Variants in ATP9A observed in about 807,000 individuals in gnomAD.
ATP9A encodes probable phospholipid-transporting ATPase IIA.
Under a neutral mutation model 144.1 loss-of-function variants are expected in ATP9A, and 52 were observed. The ratio of observed to expected loss-of-function variants is 0.36; its 90% confidence interval spans 0.29 to 0.45. The LOEUF is 0.45. ATP9A is among the 20% of genes least tolerant of loss of function. The pLI, the probability that ATP9A is intolerant of heterozygous loss-of-function variation, is 1.00. For synonymous variants in ATP9A, 582 were observed against 557.4 expected (o/e 1.04, Z -0.62); for missense variants, 947 against 1,392.7 (o/e 0.68, Z 5.09).
intron 13 of ATP9A, among the ~76,000 whole-genome samples, chr20:51,665,141 C>T (rs993615517): frequency 2.0e-5 from 3 of 152,006 alleles, no homozygotes; most frequent in East Asian, 1.9e-4. Context: ...AACGGAAGAC[C>T]GGCCAGACAC....
chr20:51,611,638 C>T lies in ATP9A; in HGVS notation c.2572-1473G>A, dbSNP rs956728219. ...GCCTCATCCTGGAATTCTTTTTCTA[C>T]ATCAATGTTAACAGTAACATCCAGT... On this transcript the variant is annotated intron_variant, in intron 23 of 27. Coordinates refer to ENST00000338821, the MANE Select transcript of ATP9A (RefSeq NM_006045.3). The surrounding 1 kb of genome is among the most constrained non-coding windows in gnomAD (Gnocchi z 4.2). Among the ~76,000 whole-genome samples the T allele has an allele frequency of 2.0e-5, 3 of 152,194 alleles. No individual in the cohort carries two copies. The highest frequency in any genetic ancestry group is 1.3e-4 in the Admixed American group (2 of 15,274).
At chr20:51,712,273 A>G (rs553771532) in intron 4 of ATP9A, among the ~76,000 whole-genome samples, 1 of 152,106 alleles carries the variant, frequency 6.6e-6, no homozygotes, top group South Asian at 2.1e-4. Flanking sequence ...ACAGGGTTTC[A>G]CCATGTTAGC....
intron 14 of ATP9A, among the ~76,000 whole-genome samples, chr20:51,647,373 A>G (rs1406757671): frequency 6.6e-6 from 1 of 152,004 alleles, no homozygotes; most frequent in Non-Finnish European, 1.5e-5. Context: ...ACATGGTGAA[A>G]CCCTGTCTCT....
At chr20:51,607,315 C>T (rs1568782325) in intron 26 of ATP9A, among the ~76,000 whole-genome samples, 1 of 152,228 alleles carries the variant, frequency 6.6e-6, no homozygotes, top group Non-Finnish European at 1.5e-5. Flanking sequence ...CTTCCTCTGG[C>T]TTCACTACCT....
chr20:51,606,390 T>A (rs1176083872), intron 26 of ATP9A, among the ~76,000 whole-genome samples: 1 of 151,922 alleles, frequency 6.6e-6, no homozygotes, highest in Non-Finnish European at 1.5e-5. Flanking sequence ...TACATAAAAA[T>A]GGAAATACTA....
intron 3 of ATP9A, among the ~76,000 whole-genome samples, chr20:51,722,077 C>T (rs112883183): frequency 5.6e-4 from 85 of 151,928 alleles, no homozygotes; most frequent in African/African-American, 1.9e-3. Context: ...CAAACAAAAA[C>T]GTAAAGTGGG....
intron 18 of ATP9A, among the ~76,000 whole-genome samples, chr20:51,623,070 T>C (rs1390700021): frequency 6.6e-6 from 1 of 151,874 alleles, no homozygotes; most frequent in African/African-American, 2.4e-5. Context: ...AAGGGAGAGG[T>C]AGGATGGAAA....
intron 1 of ATP9A, among the ~76,000 whole-genome samples, chr20:51,758,580 C>A (rs1273799524): frequency 6.6e-6 from 1 of 152,208 alleles, no homozygotes; most frequent in African/African-American, 2.4e-5. Flanking sequence ...CATCTCCTTG[C>A]GGACTGGACT....
Position 51,690,839 on chromosome 20 carries a change from T to C in ATP9A, c.643-20A>G, listed in dbSNP as rs1333414380. The C allele has an allele frequency of 2.5e-6, 4 of 1,609,374 alleles. No homozygotes were observed. Among genetic ancestry groups the C allele is most frequent in the Non-Finnish European group, 3.4e-6 (4 of 1,175,830 alleles). On this transcript the variant is annotated intron_variant, in intron 7 of 27. Transcript: ENST00000338821. ...AAGGTCCTGTTCAACAGAAGGCACA[T>C]TCGGGAGTCAAAGTCAGTTCACAAT...
chr20:51,712,833 T>C, intron 4 of ATP9A, 133 bp downstream of exon 4: 2 of 769,258 alleles, frequency 2.6e-6, no homozygotes, highest in Non-Finnish European at 4.4e-6. Context: ...TCCCTGGTGC[T>C]GGAGTAACCA....
intron 11 of ATP9A, 70 bp from the exon 12 acceptor site, chr20:51,671,327 T>TG (rs778799472): frequency 1.4e-4 from 222 of 1,554,646 alleles, no homozygotes; most frequent in Non-Finnish European, 1.8e-4. Flanking sequence ...TATAAAAACA[T>TG]GGACTCTAAA....
At chr20:51,690,337 G>A (rs1243739232) in intron 8 of ATP9A, among the ~76,000 whole-genome samples, 6 of 151,324 alleles carry the variant, frequency 4.0e-5, no homozygotes, top group Admixed American at 2.6e-4. Flanking sequence ...GGAGAATGGC[G>A]TGAACCCGGG....
chr20:51,621,820 G>A (rs1442668041), intron 19 of ATP9A, among the ~76,000 whole-genome samples: 2 of 152,070 alleles, frequency 1.3e-5, no homozygotes, highest in African/African-American at 4.8e-5. Context: ...AAGGGACCAC[G>A]ACCCCCAAAA....
At chr20:51,692,934 G>C (rs1188880076) in intron 7 of ATP9A, among the ~76,000 whole-genome samples, 1 of 152,172 alleles carries the variant, frequency 6.6e-6, no homozygotes, top group Non-Finnish European at 1.5e-5. Context: ...ATCCCGCCAA[G>C]ACATGGAACT....
chr20:51,614,659 G>C (rs922109568), intron 22 of ATP9A, among the ~76,000 whole-genome samples: 1 of 152,144 alleles, frequency 6.6e-6, no homozygotes, highest in Admixed American at 6.6e-5. Context: ...AGGGACATGA[G>C]AGCCTCTGGA....
At chr20:51,749,257 A>G (rs913595829) in intron 1 of ATP9A, among the ~76,000 whole-genome samples, 7 of 151,868 alleles carry the variant, frequency 4.6e-5, no homozygotes, top group African/African-American at 1.7e-4. Flanking sequence ...CTGACACGGA[A>G]CGAGCTCAGA....
intron 13 of ATP9A, among the ~76,000 whole-genome samples, chr20:51,665,334 A>G (rs1268364944): frequency 6.6e-6 from 1 of 152,236 alleles, no homozygotes; most frequent in Non-Finnish European, 1.5e-5. Context: ...ATGTTTGCAC[A>G]GTATTGTGAA....
At chr20:51,644,564 C>T (rs993198958) in intron 14 of ATP9A, among the ~76,000 whole-genome samples, 3 of 152,058 alleles carry the variant, frequency 2.0e-5, no homozygotes, top group African/African-American at 7.2e-5. Context: ...GCCATGGCGC[C>T]CGGCCACTTC....
At chr20:51,734,072 GCT>G (rs1363229242) in intron 1 of ATP9A, among the ~76,000 whole-genome samples, 22 of 151,956 alleles carry the variant, frequency 1.4e-4, no homozygotes, top group Admixed American at 1.3e-3. Context: ...AACCTTCCAA[GCT>G]CAACCAATCC....
Sources: gnomAD v4.1 joint callset for allele counts (sites outside exome capture counted in the v4.1 genomes callset) on GRCh38, gnomAD v4.1.1 for gene constraint, Gnocchi (gnomAD v3.1) non-coding constraint, MANE v1.5 for transcripts, NCBI Gene and HGNC (gene_info 2026-07-23, HGNC 2026-07-21) for gene names.